Variants in WDR64 observed in about 807,000 individuals in gnomAD.
WDR64 encodes WD repeat domain 64.
Under a neutral mutation model 139.3 loss-of-function variants are expected in WDR64, and 112 were observed. The observed-to-expected ratio is 0.80, with a 90% CI of 0.69 to 0.94. The LOEUF (loss-of-function observed/expected upper bound fraction) is 0.94. Ranked by LOEUF, WDR64 falls within the 40% of genes least tolerant of loss-of-function variation. The pLI is 0.00. For missense variants in WDR64, 1,206 were observed against 1,293.1 expected (o/e 0.93, Z 1.03); for synonymous variants, 444 against 437.7 (o/e 1.01, Z -0.18).
At position 241,683,580 on chromosome 1, in the gene WDR64, TTGGGGGATGA is replaced by T; in HGVS notation, c.725_734del (p.Asp242ValfsTer3). 6.4e-7 allele frequency: 1 copy of T among 1,551,704 alleles called. No homozygotes were observed. Among genetic ancestry groups the T allele is most frequent in the Non-Finnish European group, 8.7e-7 (1 of 1,146,988 alleles). Reference sequence around the variant, plus strand: ...CCATCTCTGCCGAGATGACATCCTCTTGGGGGATGATGGGGGTTTTGTGAACAGATTCACA... The same window carrying T: ...CCATCTCTGCCGAGATGACATCCTCTTGGGGGTTTTGTGAACAGATTCACA... On this transcript the variant is annotated frameshift_variant, in exon 7 of 28. Coordinates refer to ENST00000437684, the MANE Select transcript of WDR64 (RefSeq NM_001367482.1). LOFTEE classifies it high-confidence loss of function.
At chr1:241,710,042 C>T (rs1025241624) in intron 8 of WDR64, among the ~76,000 whole-genome samples, 2 of 151,356 alleles carry the variant, frequency 1.3e-5, no homozygotes, top group African/African-American at 4.9e-5. Flanking sequence ...ATATGCTACC[C>T]TTTGTATTTT....
At chr1:241,693,945 G>A (rs550441164) in intron 8 of WDR64, among the ~76,000 whole-genome samples, 2 of 152,064 alleles carry the variant, frequency 1.3e-5, no homozygotes, top group Non-Finnish European at 2.9e-5. Context: ...TGGGTGAGTC[G>A]AAAGGAGATT....
rs6684478 is a variant in WDR64 at position 241,703,720 on chromosome 1, T to G, written c.975-8082T>G. On this transcript the variant is annotated intron_variant, in intron 8 of 27. Transcript: ENST00000437684. This position sits in a 1 kb window ranked among gnomAD's most constrained non-coding sequence, Gnocchi z 5.9. ...CATTTTCACACTGCTATAAAGATACTATCTGAGACTCAATAATTTGTAAAG... is the reference window on the plus strand; with the variant it reads ...CATTTTCACACTGCTATAAAGATACGATCTGAGACTCAATAATTTGTAAAG... Among the ~76,000 whole-genome samples, 24,859 of 152,148 alleles carry G rather than the reference T, an allele frequency of 0.16. 2,460 individuals are homozygous for G. The highest frequency in any genetic ancestry group is 0.34 in the Middle Eastern group (98 of 292).
chr1:241,769,563 T>C (rs1261246399), intron 17 of WDR64, 58 bp downstream of exon 17: 6 of 1,394,742 alleles, frequency 4.3e-6, no homozygotes, highest in African/African-American at 1.4e-5. Context: ...GCTGATACAT[T>C]AGGTTGATGC....
At chr1:241,768,362 A>G (rs1658272458) in intron 16 of WDR64, among the ~76,000 whole-genome samples, 1 of 151,558 alleles carries the variant, frequency 6.6e-6, no homozygotes, top group Admixed American at 6.8e-5. Context: ...CTGAAACTGA[A>G]AATGGTTTCC....
chr1:241,658,227 T>C (rs1328221897), intron 1 of WDR64, among the ~76,000 whole-genome samples: 3 of 151,848 alleles, frequency 2.0e-5, no homozygotes, highest in African/African-American at 7.3e-5. Context: ...TGTCCTTAGA[T>C]TCAATAGTCT....
intron 13 of WDR64, among the ~76,000 whole-genome samples, chr1:241,746,525 T>A (rs932774659): frequency 5.4e-5 from 8 of 147,680 alleles, no homozygotes; most frequent in Admixed American, 2.0e-4. Flanking sequence ...GGTGGTGTTT[T>A]AAAAAAAAAA....
intron 15 of WDR64, among the ~76,000 whole-genome samples, chr1:241,764,327 C>G (rs546965678): frequency 4.2e-4 from 64 of 152,184 alleles, no homozygotes; most frequent in African/African-American, 1.5e-3. Context: ...GCAGAAGATT[C>G]AGGCAACAGG....
chr1:241,746,889 A>T (rs1483933392), intron 13 of WDR64, among the ~76,000 whole-genome samples: 3 of 151,714 alleles, frequency 2.0e-5, no homozygotes. Flanking sequence ...CCTTCTGAGT[A>T]GCTGGGACTA....
rs1574000210 is a variant in WDR64, at chr1:241,678,190, A to G, written c.487A>G (p.Arg163Gly). The change falls in exon 5 of 28, where the codon AGA (arginine) becomes GGA (glycine). Residue 163 changes from arginine to glycine, a missense_variant. Transcript: ENST00000437684. ...TATTCTCTTCCTTTGTTCATAGATG[A>G]GAGTTCAGACCAGCACCAATGTTAC... is the stretch of plus-strand genomic sequence containing the variant. ...GLITVFNNQMRVQTSTNVTDT... is the reference protein window; with the variant it reads ...GLITVFNNQMGVQTSTNVTDT... 2.5e-6 allele frequency: 1 copy of G among 398,962 alleles called. No homozygotes were observed. Among genetic ancestry groups the G allele is most frequent in the Admixed American group, 4.4e-5 (1 of 22,740 alleles). The allele number at this position is 398,962 out of a possible 1,614,324, so 24.7% of individuals were successfully genotyped here. A position where few individuals can be genotyped will look rare whatever the true frequency, so the allele number is the denominator to read the frequency against.
chr1:241,780,648 T>C (rs1007348847), intron 22 of WDR64, among the ~76,000 whole-genome samples: 6 of 152,250 alleles, frequency 3.9e-5, no homozygotes, highest in African/African-American at 1.4e-4. Context: ...TTATGTTGAT[T>C]AGGATTTGAT....
chr1:241,653,339 C>G (rs868241993), intron 1 of WDR64, among the ~76,000 whole-genome samples: 1 of 152,180 alleles, frequency 6.6e-6, no homozygotes, highest in Non-Finnish European at 1.5e-5. Flanking sequence ...TATAGCCAGC[C>G]TCTGAGTGTG....
At chr1:241,744,816 A>G (rs1312600982) in intron 13 of WDR64, among the ~76,000 whole-genome samples, 1 of 152,144 alleles carries the variant, frequency 6.6e-6, no homozygotes, top group Non-Finnish European at 1.5e-5. Flanking sequence ...GACTCATCCT[A>G]TCTTTCCACT....
chr1:241,712,537 G>A (rs1668215451), intron 9 of WDR64, among the ~76,000 whole-genome samples: 2 of 152,148 alleles, frequency 1.3e-5, no homozygotes, highest in South Asian at 4.1e-4. Context: ...GGATGGCCTT[G>A]AGCCTGGGCC....
rs1024985370 is a variant in WDR64 at position 241,800,154 on chromosome 1, C to A, written c.3193-978C>A. Among the ~76,000 whole-genome samples the A allele has an allele frequency of 2.0e-5, 3 of 152,180 alleles. No individual in the cohort carries two copies. The East Asian group carries it at 5.8e-4, about 29-fold the overall frequency. On this transcript the variant is annotated intron_variant, in intron 27 of 27. Transcript: ENST00000437684. ...AGATCTGTGCAGCTTGGAAAGTTCC[C>A]TCTGCTGGGGTTTAGCAGGTTGATC...
At chr1:241,668,141 T>A (rs548261553) in intron 2 of WDR64, among the ~76,000 whole-genome samples, 1 of 152,168 alleles carries the variant, frequency 6.6e-6, no homozygotes, top group Admixed American at 6.5e-5. Context: ...ATGGGAGAGA[T>A]CTGTACTTGT....
At chr1:241,701,796 T>C (rs1206936710) in intron 8 of WDR64, among the ~76,000 whole-genome samples, 1 of 152,224 alleles carries the variant, frequency 6.6e-6, no homozygotes, top group Non-Finnish European at 1.5e-5. Context: ...GCCACTGCCA[T>C]TGTAGAGTCA....
chr1:241,733,612 T>A (rs1308315880), intron 10 of WDR64, among the ~76,000 whole-genome samples: 2 of 150,320 alleles, frequency 1.3e-5, no homozygotes, highest in Non-Finnish European at 1.5e-5. Context: ...TATACATATA[T>A]GCACATATTA....
intron 15 of WDR64, among the ~76,000 whole-genome samples, chr1:241,761,570 A>G (rs961810642): frequency 6.6e-6 from 1 of 151,266 alleles, no homozygotes; most frequent in Non-Finnish European, 1.5e-5. Context: ...ATATATATAT[A>G]TGTATATATA....
Sources: allele counts gnomAD v4.1 joint callset (sites outside exome capture counted in the v4.1 genomes callset), GRCh38; gene constraint gnomAD v4.1.1; non-coding constraint Gnocchi (gnomAD v3.1); transcripts MANE v1.5; gene names NCBI Gene and HGNC (gene_info 2026-07-23, HGNC 2026-07-21).